PXDNL: variants seen among roughly 807,000 people sequenced by gnomAD.
The protein encoded by PXDNL is peroxidasin like.
In PXDNL, 145 loss-of-function variants were observed where a neutral mutation model predicts 150.8. The observed-to-expected ratio is 0.96, with a 90% CI of 0.84 to 1.10. The LOEUF (loss-of-function observed/expected upper bound fraction) is 1.10. PXDNL is among the 50% of genes least tolerant of loss of function. The probability of loss-of-function intolerance (pLI) is 0.00; values close to 1 mark genes in which losing one functional copy is unlikely to be tolerated. For missense variants in PXDNL, 2,087 were observed against 1,873.9 expected (o/e 1.11, Z -2.10); for synonymous variants, 757 against 725.7 (o/e 1.04, Z -0.69).
intron 1 of PXDNL, among the ~76,000 whole-genome samples, chr8:51,660,502 CAG>C (rs1334475884): frequency 6.6e-6 from 1 of 152,156 alleles, no homozygotes; most frequent in Non-Finnish European, 1.5e-5. Context: ...CTGAAACATT[CAG>C]AGAGTGCCGT....
At chr8:51,412,907 T>C (rs1173497617) in intron 15 of PXDNL, among the ~76,000 whole-genome samples, 2 of 152,222 alleles carry the variant, frequency 1.3e-5, no homozygotes, top group African/African-American at 2.4e-5. Flanking sequence ...CTAGTGTCTA[T>C]TGTCAGCCTG....
At chr8:51,663,077 C>T (rs557152800) in intron 1 of PXDNL, among the ~76,000 whole-genome samples, 1 of 152,298 alleles carries the variant, frequency 6.6e-6, no homozygotes, top group South Asian at 2.1e-4. Context: ...CTCCACACAC[C>T]GTTTCAAGGC....
At chr8:51,471,483 A>G (rs1478435170) in intron 8 of PXDNL, among the ~76,000 whole-genome samples, 1 of 152,182 alleles carries the variant, frequency 6.6e-6, no homozygotes, top group Non-Finnish European at 1.5e-5. Context: ...ATAATCCTAT[A>G]CTGATTTACC....
intron 8 of PXDNL, among the ~76,000 whole-genome samples, chr8:51,460,507 C>T (rs898194722): frequency 6.9e-5 from 10 of 144,974 alleles, no homozygotes; most frequent in Non-Finnish European, 1.2e-4. Flanking sequence ...AGCCATCACA[C>T]TTTAAACAGA....
intron 7 of PXDNL, among the ~76,000 whole-genome samples, chr8:51,474,692 G>C (rs1330472605): frequency 1.3e-5 from 2 of 152,168 alleles, no homozygotes; most frequent in Admixed American, 6.5e-5. Context: ...TGGTGACCTT[G>C]TTGAAAATCA....
At chr8:51,450,549 A>G (rs1267797044) in intron 10 of PXDNL, among the ~76,000 whole-genome samples, 1 of 152,216 alleles carries the variant, frequency 6.6e-6, no homozygotes, top group Non-Finnish European at 1.5e-5. Context: ...AACATGATAA[A>G]GTAAATAATA....
intron 12 of PXDNL, among the ~76,000 whole-genome samples, chr8:51,437,994 A>G (rs1258184165): frequency 6.6e-6 from 1 of 152,244 alleles, no homozygotes; most frequent in Non-Finnish European, 1.5e-5. Context: ...ACAAATCAGT[A>G]GCACTGGTAT....
intron 2 of PXDNL, among the ~76,000 whole-genome samples, chr8:51,646,239 A>G (rs1339088044): frequency 6.6e-6 from 1 of 152,152 alleles, no homozygotes; most frequent in Non-Finnish European, 1.5e-5. Context: ...TGCAGAGAAA[A>G]GGCCAGTGAG....
chr8:51,712,436 G>C (rs570700194), intron 1 of PXDNL, among the ~76,000 whole-genome samples: 1 of 152,196 alleles, frequency 6.6e-6, no homozygotes, highest in South Asian at 2.1e-4. Flanking sequence ...TTTATTTATT[G>C]TGTTTCTAAT....
Position 51,654,722 on chromosome 8 carries a change from C to A in PXDNL, c.203G>T (p.Ser68Ile), listed in dbSNP as rs74457466. The A allele has an allele frequency of 6.8e-4, 1,104 of 1,613,466 alleles. 2 individuals are homozygous for A. In the African/African-American group the frequency reaches 0.013, roughly 19 times the overall value. ...CAAATTCTTGAGTTTCTTGAAGGCG[C>A]TCCCTGGAATTTCTCTTATTCTGTT... ...RFNRIREIPG[S>I]AFKKLKNLNT... Residue 68 changes from serine (S) to isoleucine (I), a missense_variant, in exon 2 of 23, where the codon AGC becomes ATC. Transcript: ENST00000356297.
At chr8:51,749,557 C>T (rs917753241) in intron 1 of PXDNL, among the ~76,000 whole-genome samples, 3 of 152,186 alleles carry the variant, frequency 2.0e-5, no homozygotes, top group Non-Finnish European at 4.4e-5. Context: ...ATAGGGCACT[C>T]ACTTTGAATG....
chr8:51,593,693 G>GT (rs1813498104), intron 2 of PXDNL, among the ~76,000 whole-genome samples: 1 of 152,126 alleles, frequency 6.6e-6, no homozygotes, highest in African/African-American at 2.4e-5. Flanking sequence ...CTGATTCACT[G>GT]TAGGCCTCAC....
intron 4 of PXDNL, among the ~76,000 whole-genome samples, chr8:51,533,695 C>G (rs1184391210): frequency 8.6e-5 from 13 of 150,992 alleles, no homozygotes; most frequent in Non-Finnish European, 1.5e-4. Context: ...CTGTGTTGGC[C>G]GGGCTGGTCT....
At chr8:51,548,095 A>C (rs1430747017) in intron 4 of PXDNL, among the ~76,000 whole-genome samples, 1 of 91,518 alleles carries the variant, frequency 1.1e-5, no homozygotes, top group Non-Finnish European at 2.0e-5. Context: ...TTCAGAATTC[A>C]AAAAAAAAAA....
At chr8:51,719,350 G>A (rs1563299468) in intron 1 of PXDNL, among the ~76,000 whole-genome samples, 1 of 152,126 alleles carries the variant, frequency 6.6e-6, no homozygotes, top group African/African-American at 2.4e-5. Context: ...CCCCCAACCT[G>A]GTGCTCTCTA....
At chr8:51,446,938 G>T in intron 12 of PXDNL, 66 bp downstream of exon 12, 1 of 1,390,020 alleles carries the variant, frequency 7.2e-7, no homozygotes, top group Non-Finnish European at 1.0e-6. Flanking sequence ...ATCCCTGTCA[G>T]GTGTGTTAAA....
chr8:51,500,517 T>C (rs1811157666), intron 4 of PXDNL, among the ~76,000 whole-genome samples: 1 of 152,234 alleles, frequency 6.6e-6, no homozygotes, highest in South Asian at 2.1e-4. Context: ...GAAGCAAATC[T>C]TCCCAACAGA....
intron 1 of PXDNL, among the ~76,000 whole-genome samples, chr8:51,667,970 G>A (rs759383579): frequency 3.4e-4 from 51 of 151,996 alleles, no homozygotes; most frequent in Admixed American, 1.2e-3. Flanking sequence ...CACTGAACTC[G>A]CCTGCAACAT....
intron 1 of PXDNL, among the ~76,000 whole-genome samples, chr8:51,691,481 G>C (rs1384246553): frequency 1.3e-5 from 2 of 151,672 alleles, no homozygotes; most frequent in East Asian, 1.9e-4. Flanking sequence ...GATAGTTGTA[G>C]ACATGCGGCG....
Sources: gnomAD v4.1 joint callset for allele counts (sites outside exome capture counted in the v4.1 genomes callset) on GRCh38, gnomAD v4.1.1 for gene constraint, MANE v1.5 for transcripts, NCBI Gene and HGNC (gene_info 2026-07-23, HGNC 2026-07-21) for gene names.